UNC13C: variants seen among roughly 807,000 people sequenced by gnomAD.
UNC13C encodes protein unc-13 homolog C.
Under a neutral mutation model 245.4 loss-of-function variants are expected in UNC13C, and 174 were observed. The ratio of observed to expected loss-of-function variants is 0.71; its 90% confidence interval spans 0.63 to 0.80. The LOEUF is 0.80. Ranked by LOEUF, UNC13C falls within the 30% of genes least tolerant of loss-of-function variation. UNC13C has a pLI of 0.00. For synonymous variants in UNC13C, 992 were observed against 895.1 expected, an observed-to-expected ratio of 1.11 and a Z score of -1.93; for missense variants, 2,829 against 2,602.9, an observed-to-expected ratio of 1.09 and a Z score of -1.89.
intron 4 of UNC13C, among the ~76,000 whole-genome samples, chr15:54,216,203 C>T (rs1261343209): frequency 6.6e-6 from 1 of 151,960 alleles, no homozygotes; most frequent in Non-Finnish European, 1.5e-5. Context: ...CCGATTATGT[C>T]TAGCTTGCTG....
At chr15:54,192,002 C>G (rs1595980301) in intron 4 of UNC13C, among the ~76,000 whole-genome samples, 1 of 152,086 alleles carries the variant, frequency 6.6e-6, no homozygotes, top group African/African-American at 2.4e-5. Context: ...TGTAGGTTGC[C>G]TATCCACTCT....
At position 54,541,888 on chromosome 15, in the gene UNC13C, G is replaced by C. The variant is rs1896262755; in HGVS notation, c.5697-4834G>C. On this transcript the variant is annotated intron_variant, in intron 26 of 32. Coordinates refer to ENST00000260323, the MANE Select transcript of UNC13C (RefSeq NM_001080534.3). ...ACACCTTTGCCATGTTGTTATGTTG[G>C]TCCAGTGCCCAGTAGTGCTGAAAAT... Among the ~76,000 whole-genome samples the C allele has an allele frequency of 2.0e-5, 3 of 151,964 alleles. No homozygotes were observed. The South Asian group carries it at 6.2e-4, about 32-fold the overall frequency.
rs192005612 is a variant in UNC13C at position 54,504,214 on chromosome 15, C to T, written c.5302-2903C>T. ...AAAACAAATAAACAAATATTAAGTCCTGGGTATGAGTCTGGCTGTTTGCCA... is the reference window on the plus strand; with the variant it reads ...AAAACAAATAAACAAATATTAAGTCTTGGGTATGAGTCTGGCTGTTTGCCA... On this transcript the variant is annotated intron_variant, in intron 22 of 32. Coordinates refer to ENST00000260323, the MANE Select transcript of UNC13C (RefSeq NM_001080534.3). 1.1e-4 allele frequency among the ~76,000 whole-genome samples: 16 copies of T among 152,074 alleles called. No homozygotes were observed. In the East Asian group the frequency reaches 2.7e-3, roughly 26 times the overall value.
intron 2 of UNC13C, among the ~76,000 whole-genome samples, chr15:54,086,371 G>C (rs1219262158): frequency 6.6e-6 from 1 of 152,156 alleles, no homozygotes; most frequent in Admixed American, 6.5e-5. Flanking sequence ...TTGCAAAAGG[G>C]ATTTATTTCT....
At position 54,386,663 on chromosome 15, in the gene UNC13C, T is replaced by A. The variant is rs114172763; in HGVS notation, c.4714-6385T>A. On this transcript the variant is annotated intron_variant, in intron 17 of 32. Transcript: ENST00000260323. ...CCTGCACTTGTTGATGCAGAGATTG[T>A]GGGCCAGAGTTCTATCAGATATGGT... Among the ~76,000 whole-genome samples the A allele has an allele frequency of 3.0e-3, 459 of 152,314 alleles. 2 individuals are homozygous for A. The highest frequency in any genetic ancestry group is 0.011 in the African/African-American group (438 of 41,576).
the UNC13C span, among the ~76,000 whole-genome samples, chr15:53,890,229 C>T: frequency 6.6e-6 from 1 of 151,916 alleles, no homozygotes; most frequent in African/African-American, 2.4e-5. Flanking sequence ...GCAAGCTCCG[C>T]CTTCTGGGTT....
intron 2 of UNC13C, among the ~76,000 whole-genome samples, chr15:54,052,483 G>A (rs1897315013): frequency 6.6e-6 from 1 of 151,946 alleles, no homozygotes; most frequent in Admixed American, 6.6e-5. Context: ...ATCTCATTGT[G>A]GTTTTGATTT....
chr15:53,976,246 A>G (rs1023059093), upstream of UNC13C, among the ~76,000 whole-genome samples: 1 of 152,154 alleles, frequency 6.6e-6, no homozygotes, highest in African/African-American at 2.4e-5. Flanking sequence ...GAAATATATG[A>G]CCAGAATCCT....
At chr15:54,284,426 A>G (rs1443211890) in intron 10 of UNC13C, among the ~76,000 whole-genome samples, 2 of 152,194 alleles carry the variant, frequency 1.3e-5, no homozygotes, top group Non-Finnish European at 2.9e-5. Flanking sequence ...GCTTGGAACA[A>G]ACAAAAAACT....
chr15:54,247,342 T>C (rs1414692008), intron 7 of UNC13C, among the ~76,000 whole-genome samples: 2 of 152,168 alleles, frequency 1.3e-5, no homozygotes, highest in Non-Finnish European at 2.9e-5. Context: ...TATAGTCTTA[T>C]TTCATCTTGC....
chr15:53,924,166 C>A, the UNC13C span, among the ~76,000 whole-genome samples: 54 of 152,212 alleles, frequency 3.5e-4, no homozygotes, highest in Admixed American at 5.9e-4. Flanking sequence ...GAGATCACAC[C>A]ATTGCACTCC....
intron 19 of UNC13C, among the ~76,000 whole-genome samples, chr15:54,442,455 T>C (rs920848865): frequency 6.6e-6 from 1 of 151,990 alleles, no homozygotes; most frequent in Admixed American, 6.6e-5. Flanking sequence ...ACTCCTAACC[T>C]CAGGTGATCC....
chr15:53,904,952 T>C, the UNC13C span, among the ~76,000 whole-genome samples: 6 of 152,120 alleles, frequency 3.9e-5, no homozygotes, highest in Non-Finnish European at 7.4e-5. Flanking sequence ...AAGTGTTGGA[T>C]ATGTTTTTTA....
intron 13 of UNC13C, among the ~76,000 whole-genome samples, chr15:54,316,778 C>T (rs1053613510): frequency 1.3e-5 from 2 of 151,888 alleles, no homozygotes; most frequent in African/African-American, 2.4e-5. Context: ...CTCTCTTCAC[C>T]GCTATGGGAT....
chr15:54,471,762 G>A (rs577470958), intron 19 of UNC13C, among the ~76,000 whole-genome samples: 1 of 151,620 alleles, frequency 6.6e-6, no homozygotes, highest in South Asian at 2.1e-4. Context: ...TGTGTGTTAT[G>A]TCTGTTTGAT....
chr15:54,274,056 A>G (rs548691634), intron 10 of UNC13C, among the ~76,000 whole-genome samples: 1 of 152,112 alleles, frequency 6.6e-6, no homozygotes, highest in Non-Finnish European at 1.5e-5. Flanking sequence ...TGTAAGACAC[A>G]TGATTTTTTT....
rs533937794 is a variant in UNC13C at position 54,057,363 on chromosome 15, A to G, written c.2983+41477A>G. On this transcript the variant is annotated intron_variant, in intron 2 of 32. Transcript: ENST00000260323. Reference sequence around the variant, plus strand: ...CCAACAAAGATCAAAAGAGACAAAGAAGGCCATTACATAATGGTAAAGGGA... The same window carrying G: ...CCAACAAAGATCAAAAGAGACAAAGGAGGCCATTACATAATGGTAAAGGGA... Among the ~76,000 whole-genome samples the G allele has an allele frequency of 2.4e-3, 365 of 151,506 alleles. 2 individuals carry two copies. Among genetic ancestry groups the G allele is most frequent in the Non-Finnish European group, 4.1e-3 (276 of 67,870 alleles).
chr15:54,033,761 G>A (rs1896461540), intron 2 of UNC13C, among the ~76,000 whole-genome samples: 1 of 152,120 alleles, frequency 6.6e-6, no homozygotes, highest in Admixed American at 6.5e-5. Flanking sequence ...TGGTGAGAGA[G>A]GGATCTAGCA....
At chr15:54,434,436 T>C (rs1023094566) in intron 19 of UNC13C, among the ~76,000 whole-genome samples, 1 of 151,792 alleles carries the variant, frequency 6.6e-6, no homozygotes, top group African/African-American at 2.4e-5. Context: ...ACACCACATA[T>C]CTAAATCATC....
Sources: allele counts gnomAD v4.1 joint callset (sites outside exome capture counted in the v4.1 genomes callset), GRCh38; gene constraint gnomAD v4.1.1; transcripts MANE v1.5; gene names NCBI Gene and HGNC (gene_info 2026-07-23, HGNC 2026-07-21).